Variants in POLE observed in about 807,000 individuals in gnomAD.
The protein encoded by POLE is DNA polymerase epsilon, catalytic subunit.
In POLE, 188 loss-of-function variants were observed where a neutral mutation model predicts 279.2. That is an observed-to-expected ratio of 0.67 (90% CI 0.60 to 0.76). The LOEUF (loss-of-function observed/expected upper bound fraction) is 0.76. POLE is among the 30% of genes least tolerant of loss of function. POLE has a pLI of 0.00. For missense variants in POLE, 2,703 were observed against 3,016.7 expected, an observed-to-expected ratio of 0.90 and a Z score of 2.44; for synonymous variants, 1,214 against 1,172.5, an observed-to-expected ratio of 1.04 and a Z score of -0.72.
intron 25 of POLE, 80 bp from the exon 26 acceptor site, chr12:132,659,589 C>T (rs2042634478): frequency 4.2e-6 from 5 of 1,199,960 alleles, no homozygotes; most frequent in Admixed American, 2.0e-5. Flanking sequence ...CTCCTCTAGG[C>T]CATGCCCTTC....
At position 132,681,469 on chromosome 12, in the gene POLE, G is replaced by A. The variant is rs549103116; in HGVS notation, c.63-190C>T. Among the ~76,000 whole-genome samples the A allele has an allele frequency of 6.6e-5, 10 of 151,944 alleles. 1 individual carries two copies. In the South Asian group the frequency reaches 1.0e-3, roughly 16 times the overall value. Reference sequence around the variant, plus strand: ...CGCCATTCTCCTGCCTCAGCCTCCCGAGTAGCTGGGACCACAGGCGACAGC... The same window carrying A: ...CGCCATTCTCCTGCCTCAGCCTCCCAAGTAGCTGGGACCACAGGCGACAGC... On this transcript the variant is annotated intron_variant, in intron 1 of 48. Coordinates refer to ENST00000320574, the MANE Select transcript of POLE (RefSeq NM_006231.4).
chr12:132,676,190 G>T lies in POLE; in HGVS notation c.924C>A (p.Thr308=), dbSNP rs1593078560. 1 of 1,612,718 alleles carries T rather than the reference G, an allele frequency of 6.2e-7. No individual in the cohort carries two copies. The highest frequency in any genetic ancestry group is 8.5e-7 in the Non-Finnish European group (1 of 1,179,172). The change falls in exon 10 of 49, where the codon ACC becomes ACA. Residue 308 remains threonine (T), a synonymous_variant. Coordinates refer to ENST00000320574, the MANE Select transcript of POLE (RefSeq NM_006231.4). ...YMIDGQGYLI[T]NREIVSEDIE... is the part of the protein sequence containing the mutation. ...TATCTTCTGAAACAATCTCCCTGTT[G>T]GTGATGAGGTAGCCCTAGCCAAGTT... is the stretch of plus-strand genomic sequence containing the variant.
intron 6 of POLE, among the ~76,000 whole-genome samples, chr12:132,678,527 T>G (rs1353894857): frequency 6.9e-6 from 1 of 145,452 alleles, no homozygotes; most frequent in Non-Finnish European, 1.5e-5. Context: ...CAGTGAGCTA[T>G]GATTGCACCA....
intron 20 of POLE, among the ~76,000 whole-genome samples, chr12:132,667,031 T>C (rs2042811804): frequency 6.6e-6 from 1 of 152,092 alleles, no homozygotes; most frequent in South Asian, 2.1e-4. Flanking sequence ...GACCCGTTGG[T>C]ATCAAAACAG....
chr12:132,626,376 C>G, intron 45 of POLE, 59 bp from the exon 46 acceptor site: 1 of 1,540,592 alleles, frequency 6.5e-7, no homozygotes, highest in South Asian at 1.1e-5. Flanking sequence ...GCTGCTCTGT[C>G]TGGACCAGAA....
At chr12:132,649,928 G>A (rs911047493) in intron 29 of POLE, 39 bp from the exon 30 acceptor site, 17 of 1,574,608 alleles carry the variant, frequency 1.1e-5, no homozygotes, top group Admixed American at 1.7e-5. Context: ...TCAGGATCTC[G>A]GGCTGCGCAG....
At position 132,643,538 on chromosome 12, in the gene POLE, A is replaced by G. The variant is rs2138553142; in HGVS notation, c.4313T>C (p.Leu1438Pro). ...CACACACACACAGCCCAGGTGCACC[A>G]GGGCCCGGAACAGTAACGGAACCTG... is the stretch of plus-strand genomic sequence containing the variant. ...ETQVPLLFRA[L>P]VHLGCVCVVN... Residue 1438 changes from leucine (L) to proline (P), a missense_variant, in exon 34 of 49, where the codon CTG becomes CCG. Coordinates refer to ENST00000320574, the MANE Select transcript of POLE (RefSeq NM_006231.4). 6.2e-7 allele frequency: 1 copy of G among 1,614,132 alleles called. No individual in the cohort carries two copies. Among genetic ancestry groups the G allele is most frequent in the African/African-American group, 1.3e-5 (1 of 75,052 alleles).
At chr12:132,658,881 CA>C (rs1167117347) in intron 26 of POLE, among the ~76,000 whole-genome samples, 75 of 33,836 alleles carry the variant, frequency 2.2e-3, no homozygotes, top group South Asian at 0.015. Flanking sequence ...ATATAACCAC[CA>C]AAAAAAAAAA....
Position 132,642,400 on chromosome 12 carries a change from G to A in POLE, c.4953-3C>T, listed in dbSNP as rs2138532232. On this transcript the variant is annotated splice_polypyrimidine_tract_variant and splice_region_variant and intron_variant, in intron 37 of 48. Coordinates refer to ENST00000320574, the MANE Select transcript of POLE (RefSeq NM_006231.4). ...TCCCAATGGGAATGTGAAAGTACCT[G>A]CACCAGGGCACAGGTCAGCACCGGG... The A allele has an allele frequency of 6.3e-7, 1 of 1,580,952 alleles. No individual in the cohort carries two copies. The highest frequency in any genetic ancestry group is 8.6e-7 in the Non-Finnish European group (1 of 1,159,878).
In POLE at chr12:132,668,216, C is replaced by A; in HGVS notation, c.2173+140G>T. 2 of 915,238 alleles carry A rather than the reference C, an allele frequency of 2.2e-6. No individual in the cohort carries two copies. The highest frequency in any genetic ancestry group is 3.2e-6 in the Non-Finnish European group (2 of 625,740). 56.7% of individuals were successfully genotyped at this position (915,238 alleles called of 1,614,324 possible). On this transcript the variant is annotated intron_variant, in intron 19 of 48. Coordinates refer to ENST00000320574, the MANE Select transcript of POLE (RefSeq NM_006231.4). This position sits in a 1 kb window ranked among gnomAD's most constrained non-coding sequence, Gnocchi z 4.0. Reference sequence around the variant, plus strand: ...GACCCTGCAGTGAGAGCACAGCTTACAGTGACCTAGAGCAGCTTCTGGTCT... The same window carrying A: ...GACCCTGCAGTGAGAGCACAGCTTAAAGTGACCTAGAGCAGCTTCTGGTCT...
Position 132,673,595 on chromosome 12 carries a change from T to C in POLE, c.1339A>G (p.Met447Val), listed in dbSNP as rs376095661. ...VELDPEDMCR[M>V]ATEQPQTLAT... Reference sequence around the variant, plus strand: ...CGTGCCTGGGGCTGCTCCGTGGCCATCCGGCACATGTCCTCCGGGTCTAGC... The same window carrying C: ...CGTGCCTGGGGCTGCTCCGTGGCCACCCGGCACATGTCCTCCGGGTCTAGC... The change falls in exon 13 of 49, where the codon ATG (methionine) becomes GTG (valine). Residue 447 changes from methionine (M) to valine (V), a missense_variant. Physicochemically the swap from Met to Val is conservative, Grantham distance 21. Transcript: ENST00000320574. 1.2e-6 allele frequency: 2 copies of C among 1,613,074 alleles called. No individual in the cohort carries two copies. The highest frequency in any genetic ancestry group is 1.7e-6 in the Non-Finnish European group (2 of 1,179,986).
Position 132,643,987 on chromosome 12 carries a change from A to G in POLE, c.4150-10T>C. ...GAAGGACCCGATTTACCTGGCGAGA[A>G]TACGACGATGATCTCGTCACTGGGC... is the stretch of plus-strand genomic sequence containing the variant. On this transcript the variant is annotated splice_polypyrimidine_tract_variant and intron_variant, in intron 32 of 48. Coordinates refer to ENST00000320574, the MANE Select transcript of POLE (RefSeq NM_006231.4). 6.2e-7 allele frequency: 1 copy of G among 1,610,958 alleles called. No homozygotes were observed. The highest frequency in any genetic ancestry group is 1.1e-5 in the South Asian group (1 of 90,988).
In POLE at chr12:132,643,923, C is replaced by A. The variant is rs767191767; in HGVS notation, c.4204G>T (p.Val1402Leu). ...TGTTCCTGGTACATGTCCTCTGGCA[C>A]TGAATACTCATAGAGATTGTAGACC... ...NMVYNLYEYS[V>L]PEDMYQEHIN... The change falls in exon 33 of 49, where the codon GTG becomes TTG. Residue 1402 changes from valine to leucine, a missense_variant. By Grantham distance (32) the Val-to-Leu change is conservative. Around this residue, in one of 5 missense-constraint regions of POLE, gnomAD observed 1,551 missense variants for 1,686.1 expected, o/e 0.92. Coordinates refer to ENST00000320574, the MANE Select transcript of POLE (RefSeq NM_006231.4). 2 of 1,614,160 alleles carry A rather than the reference C, an allele frequency of 1.2e-6. No individual in the cohort carries two copies. Among genetic ancestry groups the A allele is most frequent in the African/African-American group, 2.7e-5 (2 of 75,050 alleles).
chr12:132,642,932 T>C lies in POLE; in HGVS notation c.4616A>G (p.Glu1539Gly), dbSNP rs1593732502. 1 of 1,612,250 alleles carries C rather than the reference T, an allele frequency of 6.2e-7. No individual in the cohort carries two copies. Among genetic ancestry groups the C allele is most frequent in the Non-Finnish European group, 8.5e-7 (1 of 1,179,456 alleles). Residue 1539 changes from glutamate to glycine, a missense_variant, in exon 36 of 49, where the codon GAG (glutamate) becomes GGG (glycine). By Grantham distance (98) the Glu-to-Gly change is moderately conservative. This residue lies in a region of POLE where 1,551 missense variants were observed against 1,686.1 expected (regional missense o/e 0.92). Transcript: ENST00000320574. ...TGGCAGGAGCTCAGGGCCCACCTTCTCCAGGAGGAGGCCGTGCTCTGCTGA... is the reference window on the plus strand; with the variant it reads ...TGGCAGGAGCTCAGGGCCCACCTTCCCCAGGAGGAGGCCGTGCTCTGCTGA... Reference protein sequence around the residue: ...LYSAEHGLLLEKVGPELLPPP... With the variant: ...LYSAEHGLLLGKVGPELLPPP...
intron 1 of POLE, among the ~76,000 whole-genome samples, 190 bp from the exon 2 acceptor site, chr12:132,681,469 G>C (rs549103116): frequency 6.6e-6 from 1 of 151,828 alleles, no homozygotes; most frequent in Non-Finnish European, 1.5e-5. Context: ...TCAGCCTCCC[G>C]AGTAGCTGGG....
intron 32 of POLE, among the ~76,000 whole-genome samples, chr12:132,646,113 A>G (rs1376753060): frequency 1.3e-5 from 2 of 152,240 alleles, no homozygotes; most frequent in African/African-American, 4.8e-5. Context: ...CTCAGGTGCC[A>G]GCTTGAAGGG....
chr12:132,671,262 CAAAAAAAAAAAAA>C (rs397850854), intron 16 of POLE, among the ~76,000 whole-genome samples: 2 of 64,496 alleles, frequency 3.1e-5, no homozygotes, highest in Admixed American at 2.1e-4. Context: ...GACTCCGTCT[CAAAAAAAAAAAAA>C]AAAAAAAAAA....
intron 48 of POLE, 29 bp from the exon 49 acceptor site, chr12:132,624,839 C>A (rs1009675656): frequency 6.3e-7 from 1 of 1,587,538 alleles, no homozygotes; most frequent in African/African-American, 1.3e-5. Flanking sequence ...ACAGTGAGAC[C>A]CCAGTCCACT....
chr12:132,637,196 G>C (rs1593717946), intron 41 of POLE, among the ~76,000 whole-genome samples: 1 of 152,342 alleles, frequency 6.6e-6, no homozygotes, highest in East Asian at 1.9e-4. Context: ...CATATGGTTT[G>C]ATTAGGAATG....
Sources: allele counts gnomAD v4.1 joint callset (sites outside exome capture counted in the v4.1 genomes callset), GRCh38; gene constraint gnomAD v4.1.1; regional missense constraint gnomAD v4.1.1; non-coding constraint Gnocchi (gnomAD v3.1); transcripts MANE v1.5; gene names NCBI Gene and HGNC (gene_info 2026-07-23, HGNC 2026-07-21).